The following SYCP2L variants were observed in gnomAD, a reference collection of about 807,000 sequenced individuals.
SYCP2L encodes synaptonemal complex protein 2 like.
In SYCP2L, 98 loss-of-function variants were observed where a neutral mutation model predicts 125.8. The observed-to-expected ratio is 0.78, with a 90% CI of 0.66 to 0.92. The LOEUF (loss-of-function observed/expected upper bound fraction) is 0.92. Among genes scored for constraint, SYCP2L ranks in the 40% least tolerant of loss-of-function variants. The probability of loss-of-function intolerance (pLI) is 0.00; values close to 1 mark genes in which losing one functional copy is unlikely to be tolerated. For synonymous variants in SYCP2L, 317 were observed against 325.4 expected (o/e 0.97, Z 0.28); for missense variants, 842 against 936.4 (o/e 0.90, Z 1.32).
At chr6:10,909,848 T>G (rs973977590) in intron 10 of SYCP2L, among the ~76,000 whole-genome samples, 1 of 152,202 alleles carries the variant, frequency 6.6e-6, no homozygotes, top group Non-Finnish European at 1.5e-5. Flanking sequence ...TTTATCTTGC[T>G]TACACTTCTG....
intron 1 of SYCP2L, among the ~76,000 whole-genome samples, chr6:10,889,885 G>A (rs1374283633): frequency 6.6e-6 from 1 of 152,144 alleles, no homozygotes; most frequent in Non-Finnish European, 1.5e-5. Flanking sequence ...CACCCAAAGT[G>A]CTGGGATTAC....
chr6:10,911,683 T>G (rs1780609577), intron 12 of SYCP2L, among the ~76,000 whole-genome samples: 1 of 152,154 alleles, frequency 6.6e-6, no homozygotes, highest in African/African-American at 2.4e-5. Context: ...ACATCCAAAT[T>G]TCCATTCACT....
At chr6:10,921,044 A>G (rs778635856) in intron 14 of SYCP2L, among the ~76,000 whole-genome samples, 11 of 152,044 alleles carry the variant, frequency 7.2e-5, no homozygotes, top group Non-Finnish European at 1.5e-4. Context: ...TTCTCCCCCA[A>G]CATACCCAGG....
intron 4 of SYCP2L, among the ~76,000 whole-genome samples, chr6:10,895,109 C>T (rs968245811): frequency 7.9e-5 from 12 of 152,124 alleles, no homozygotes; most frequent in Admixed American, 1.3e-4. Context: ...TTATGCAAAC[C>T]GTATATATTT....
rs113116686 is a variant in SYCP2L at position 10,946,896 on chromosome 6, G to A, written c.1954+4150G>A. Among the ~76,000 whole-genome samples, 472 of 151,916 alleles carry A rather than the reference G, an allele frequency of 3.1e-3. 1 individual carries two copies. Among genetic ancestry groups the A allele is most frequent in the Non-Finnish European group, 5.0e-3 (339 of 67,898 alleles). On this transcript the variant is annotated intron_variant, in intron 23 of 29. Transcript: ENST00000283141. The stretch of plus-strand genomic sequence containing the variant: ...GGAATATGTGACATGTCTTTCATCA[G>A]TTCTGGAACATTCTCAGCAATTATC...
chr6:10,924,328 A>C (rs181880589), intron 14 of SYCP2L, among the ~76,000 whole-genome samples, 168 bp from the exon 15 acceptor site: 1 of 152,368 alleles, frequency 6.6e-6, no homozygotes, highest in East Asian at 1.9e-4. Flanking sequence ...ATACATGTGC[A>C]TCTAAAGGAC....
In SYCP2L at chr6:10,928,359, T is replaced by G. The variant is rs768704182; in HGVS notation, c.1441-44T>G. The G allele has an allele frequency of 5.3e-6, 5 of 949,824 alleles. No individual in the cohort carries two copies. The Admixed American group carries it at 8.1e-5, about 15-fold the overall frequency. The allele number at this position is 949,824 out of a possible 1,614,324, so 58.8% of individuals were successfully genotyped here. A position where few individuals can be genotyped will look rare whatever the true frequency, so the allele number is the denominator to read the frequency against. On this transcript the variant is annotated intron_variant, in intron 17 of 29. Coordinates refer to ENST00000283141, the MANE Select transcript of SYCP2L (RefSeq NM_001040274.3). The stretch of plus-strand genomic sequence containing the variant: ...TAAAAGTATTAATTTGGGGAACTAA[T>G]AAATGTCTATGAAATCTTCACAATC...
intron 21 of SYCP2L, among the ~76,000 whole-genome samples, chr6:10,938,701 A>G (rs1427910485): frequency 3.3e-5 from 5 of 152,260 alleles, no homozygotes; most frequent in Non-Finnish European, 7.3e-5. Context: ...TGAATTCAGT[A>G]AAGTTGCAGG....
intron 5 of SYCP2L, 56 bp from the exon 6 acceptor site, chr6:10,898,768 G>A (rs1350907134): frequency 2.3e-5 from 26 of 1,153,290 alleles, no homozygotes; most frequent in Middle Eastern, 2.0e-4. Context: ...TCACATTACG[G>A]TTTATCATGC....
intron 14 of SYCP2L, among the ~76,000 whole-genome samples, chr6:10,917,697 A>G (rs1780715298): frequency 6.6e-6 from 1 of 152,068 alleles, no homozygotes; most frequent in African/African-American, 2.4e-5. Flanking sequence ...CTTCTTGCTT[A>G]TATGCCTTGG....
intron 12 of SYCP2L, among the ~76,000 whole-genome samples, chr6:10,911,925 G>A (rs1415411389): frequency 6.3e-5 from 1 of 15,788 alleles, no homozygotes; most frequent in African/African-American, 1.2e-4. Flanking sequence ...TTTTTGAGAC[G>A]GAGTCTCACT....
intron 23 of SYCP2L, among the ~76,000 whole-genome samples, chr6:10,946,993 C>G (rs139674429): frequency 6.6e-6 from 1 of 151,758 alleles, no homozygotes. Flanking sequence ...CATCTTTTAC[C>G]CACTCCTACG....
At chr6:10,911,804 A>C (rs1780611846) in intron 12 of SYCP2L, among the ~76,000 whole-genome samples, 2 of 152,058 alleles carry the variant, frequency 1.3e-5, no homozygotes, top group African/African-American at 4.8e-5. Flanking sequence ...GTATGATACA[A>C]AGGAAAGATG....
intron 29 of SYCP2L, among the ~76,000 whole-genome samples, chr6:10,967,004 G>A (rs1257695919): frequency 1.3e-5 from 2 of 152,108 alleles, no homozygotes; most frequent in Non-Finnish European, 2.9e-5. Flanking sequence ...AATAACCAAT[G>A]TAGAAATAAC....
At chr6:10,898,997 A>T in intron 6 of SYCP2L, 149 bp downstream of exon 6, 1 of 593,494 alleles carries the variant, frequency 1.7e-6, no homozygotes, top group Non-Finnish European at 3.1e-6. Flanking sequence ...TCATAGTGTC[A>T]TTTGGAAATG....
At chr6:10,965,718 A>C (rs1054594013) in intron 29 of SYCP2L, among the ~76,000 whole-genome samples, 4 of 152,252 alleles carry the variant, frequency 2.6e-5, no homozygotes, top group African/African-American at 7.2e-5. Context: ...ATTCTAGCAC[A>C]TAGAAGATTA....
intron 26 of SYCP2L, 72 bp from the exon 27 acceptor site, chr6:10,961,233 A>T (rs188268853): frequency 8.4e-7 from 1 of 1,194,772 alleles, no homozygotes; most frequent in Non-Finnish European, 1.2e-6. Context: ...TTGTAATCAG[A>T]TGACTTATTA....
chr6:10,905,493 T>C (rs1381058880), intron 8 of SYCP2L, among the ~76,000 whole-genome samples: 1 of 152,138 alleles, frequency 6.6e-6, no homozygotes, highest in Non-Finnish European at 1.5e-5. Flanking sequence ...GGTTTCTCCA[T>C]GTTGGTCAGG....
At chr6:10,924,414 CGTA>C in intron 14 of SYCP2L, 79 bp from the exon 15 acceptor site, 1 of 1,147,254 alleles carries the variant, frequency 8.7e-7, no homozygotes, top group South Asian at 2.0e-5. Context: ...AATACCCTAG[CGTA>C]GTTATTTAAA....
Sources: gnomAD v4.1 joint callset for allele counts (sites outside exome capture counted in the v4.1 genomes callset) on GRCh38, gnomAD v4.1.1 for gene constraint, MANE v1.5 for transcripts, NCBI Gene and HGNC (gene_info 2026-07-23, HGNC 2026-07-21) for gene names.